MAPK4: variants seen among roughly 807,000 people sequenced by gnomAD.
MAPK4 encodes the protein Erk3-related.
Under a neutral mutation model 47.7 loss-of-function variants are expected in MAPK4, and 22 were observed. The ratio of observed to expected loss-of-function variants is 0.46; its 90% CI spans 0.33 to 0.66. MAPK4 has a LOEUF of 0.66. Ranked by LOEUF, MAPK4 falls within the 30% of genes least tolerant of loss-of-function variation. The pLI is 0.02. For missense variants in MAPK4, 736 were observed against 831.7 expected (o/e 0.88, Z 1.42); for synonymous variants, 390 against 365.7 (o/e 1.07, Z -0.76).
intron 2 of MAPK4, among the ~76,000 whole-genome samples, chr18:50,713,489 CT>C (rs1910482391): frequency 1.3e-5 from 2 of 152,194 alleles, no homozygotes; most frequent in African/African-American, 2.4e-5. Context: ...GAGATGTTTC[CT>C]TTTCATTCAT....
intron 1 of MAPK4, among the ~76,000 whole-genome samples, chr18:50,576,602 A>G (rs924609812): frequency 1.3e-5 from 2 of 152,212 alleles, no homozygotes; most frequent in African/African-American, 4.8e-5. Context: ...ATTTATTTAT[A>G]TAACAAACCT....
At position 50,597,938 on chromosome 18, in the gene MAPK4, G is replaced by T. The variant is rs542109469; in HGVS notation, c.-871+37695G>T. On this transcript the variant is annotated intron_variant, in intron 1 of 5. Transcript: ENST00000400384. ...GCATTAGGAAGGATCACATATTAAA[G>T]CATCTCTATCTCTTTGAAGAAGCTG... 2.6e-5 allele frequency among the ~76,000 whole-genome samples: 4 copies of T among 152,334 alleles called. No individual in the cohort carries two copies. The South Asian group carries it at 8.3e-4, about 32-fold the overall frequency.
chr18:50,717,221 A>AG (rs1910686415), intron 3 of MAPK4, among the ~76,000 whole-genome samples: 1 of 152,004 alleles, frequency 6.6e-6, no homozygotes, highest in Non-Finnish European at 1.5e-5. Flanking sequence ...ATCACCCAGA[A>AG]CTGCTCAGGG....
chr18:50,620,040 G>A (rs973698829), intron 1 of MAPK4, among the ~76,000 whole-genome samples: 1 of 152,254 alleles, frequency 6.6e-6, no homozygotes, highest in African/African-American at 2.4e-5. Flanking sequence ...CAATAGGCAT[G>A]CACTTTGCTT....
chr18:50,600,553 T>C (rs1180212911), intron 1 of MAPK4, among the ~76,000 whole-genome samples: 1 of 152,094 alleles, frequency 6.6e-6, no homozygotes, highest in South Asian at 2.1e-4. Context: ...GCCATGACCA[T>C]CAGAGCCACT....
intron 1 of MAPK4, among the ~76,000 whole-genome samples, chr18:50,654,443 A>G (rs891308635): frequency 2.6e-5 from 4 of 152,248 alleles, no homozygotes; most frequent in African/African-American, 7.2e-5. Context: ...ACTTCCCTTC[A>G]GAACACAGCC....
intron 1 of MAPK4, among the ~76,000 whole-genome samples, chr18:50,653,051 C>T (rs1314067561): frequency 6.6e-6 from 1 of 152,016 alleles, no homozygotes; most frequent in African/African-American, 2.4e-5. Flanking sequence ...TAGCTGGACA[C>T]AGTGGCATGC....
intron 2 of MAPK4, among the ~76,000 whole-genome samples, chr18:50,685,519 G>A (rs114034951): frequency 0.027 from 4,068 of 152,294 alleles, 100 homozygotes; most frequent in African/African-American, 0.061. Context: ...CTACAAGAAC[G>A]CGTAGAGAAA....
chr18:50,687,411 C>T (rs1341214312), intron 2 of MAPK4, among the ~76,000 whole-genome samples: 1 of 152,198 alleles, frequency 6.6e-6, no homozygotes. Context: ...CTAAAAATGC[C>T]TCTAGACATT....
At chr18:50,638,042 T>G (rs1462893155) in intron 1 of MAPK4, among the ~76,000 whole-genome samples, 1 of 152,238 alleles carries the variant, frequency 6.6e-6, no homozygotes, top group Non-Finnish European at 1.5e-5. Context: ...AAGGGCATCA[T>G]GCATGTAAAG....
intron 2 of MAPK4, among the ~76,000 whole-genome samples, chr18:50,707,569 C>CAAA (rs11419022): frequency 4.0e-4 from 29 of 72,454 alleles, no homozygotes; most frequent in Admixed American, 1.0e-3. Flanking sequence ...GCCTCTGTCT[C>CAAA]AAAAAAAAAA....
At chr18:50,725,925 A>AAC in intron 4 of MAPK4, 37 bp from the exon 5 acceptor site, 1 of 1,556,792 alleles carries the variant, frequency 6.4e-7, no homozygotes, top group Non-Finnish European at 8.9e-7. Context: ...CAACAAGGGC[A>AAC]ACAAATGACC....
At chr18:50,560,614 G>A (rs1016005298) in intron 1 of MAPK4, 1 of 152,632 alleles carries the variant, frequency 6.6e-6, no homozygotes, top group Non-Finnish European at 1.5e-5. Flanking sequence ...CGGAGCGCTT[G>A]GGGTCGCCGA....
chr18:50,622,240 G>A (rs541319074), intron 1 of MAPK4, among the ~76,000 whole-genome samples: 22 of 152,272 alleles, frequency 1.4e-4, no homozygotes, highest in Admixed American at 7.8e-4. Flanking sequence ...CAGAGTCTGC[G>A]CCAAGATTAA....
intron 1 of MAPK4, among the ~76,000 whole-genome samples, chr18:50,584,348 G>A (rs575498509): frequency 6.6e-6 from 1 of 152,152 alleles, no homozygotes; most frequent in African/African-American, 2.4e-5. Flanking sequence ...CATCCACTTC[G>A]TGTACCCCTG....
At chr18:50,585,757 A>G (rs768631150) in intron 1 of MAPK4, among the ~76,000 whole-genome samples, 12 of 152,238 alleles carry the variant, frequency 7.9e-5, no homozygotes, top group Non-Finnish European at 1.2e-4. Flanking sequence ...ATTGACTTAC[A>G]GTTCCACAGG....
chr18:50,634,706 T>G (rs1331198655), intron 1 of MAPK4, among the ~76,000 whole-genome samples: 2 of 152,204 alleles, frequency 1.3e-5, no homozygotes, highest in African/African-American at 4.8e-5. Flanking sequence ...AGGGAACAAC[T>G]AGGAACCAGG....
At chr18:50,654,080 C>CG (rs1490173556) in intron 1 of MAPK4, among the ~76,000 whole-genome samples, 2 of 152,170 alleles carry the variant, frequency 1.3e-5, no homozygotes, top group Admixed American at 1.3e-4. Flanking sequence ...GTAGTATATA[C>CG]GGCACACATC....
At chr18:50,580,506 T>G (rs2042334210) in intron 1 of MAPK4, among the ~76,000 whole-genome samples, 1 of 152,206 alleles carries the variant, frequency 6.6e-6, no homozygotes, top group South Asian at 2.1e-4. Context: ...GCCCATGCTC[T>G]TACTAGGTGG....
Sources: allele counts gnomAD v4.1 joint callset (sites outside exome capture counted in the v4.1 genomes callset), GRCh38; gene constraint gnomAD v4.1.1; transcripts MANE v1.5; gene names NCBI Gene and HGNC (gene_info 2026-07-23, HGNC 2026-07-21).